Variants in GRIA1 observed in about 807,000 individuals in gnomAD.
GRIA1 encodes the protein glutamate receptor 1.
Under a neutral mutation model 99.2 loss-of-function variants are expected in GRIA1, and 31 were observed. The ratio of observed to expected loss-of-function variants is 0.31; its 90% confidence interval spans 0.23 to 0.42. The LOEUF is 0.42. Among genes scored for constraint, GRIA1 ranks in the 10% least tolerant of loss-of-function variants. The pLI is 1.00. For synonymous variants in GRIA1, 438 were observed against 432.4 expected (o/e 1.01, Z -0.16); for missense variants, 782 against 1,157.5 (o/e 0.68, Z 4.71).
At position 153,622,736 on chromosome 5, in the gene GRIA1, C is replaced by T. The variant is rs563066171; in HGVS notation, c.221-24192C>T. Among the ~76,000 whole-genome samples the T allele has an allele frequency of 6.7e-4, 102 of 152,288 alleles. 1 individual carries two copies. The highest frequency in any genetic ancestry group is 4.1e-4 in the South Asian group (2 of 4,822). On this transcript the variant is annotated intron_variant, in intron 2 of 15. Coordinates refer to ENST00000285900, the MANE Select transcript of GRIA1 (RefSeq NM_000827.4). ...GTGATTTGTATGTATTAATGGCTAACCTTTTTTCAGGTAGTTACTCCACCA... is the reference window on the plus strand; with the variant it reads ...GTGATTTGTATGTATTAATGGCTAATCTTTTTTCAGGTAGTTACTCCACCA...
intron 2 of GRIA1, among the ~76,000 whole-genome samples, chr5:153,621,835 T>G (rs763532573): frequency 1.3e-5 from 2 of 152,190 alleles, no homozygotes; most frequent in Non-Finnish European, 2.9e-5. Context: ...AATTGCAAGT[T>G]CCATCAGCAA....
intron 1 of GRIA1, chr5:153,491,175 A>ACACACG (rs1236438225): frequency 9.4e-7 from 1 of 1,062,866 alleles, no homozygotes; most frequent in Non-Finnish European, 1.3e-6. Flanking sequence ...GGAAGTGTTC[A>ACACACG]CACACGCACA....
intron 2 of GRIA1, among the ~76,000 whole-genome samples, chr5:153,602,533 T>TAATAA (rs569066151): frequency 0.053 from 7,423 of 141,286 alleles, 319 homozygotes; most frequent in African/African-American, 0.12. Context: ...AGTATAATAA[T>TAATAA]AATAAAATAA....
At chr5:153,793,961 C>G (rs1267053203) in intron 13 of GRIA1, among the ~76,000 whole-genome samples, 2 of 152,196 alleles carry the variant, frequency 1.3e-5, no homozygotes, top group Non-Finnish European at 2.9e-5. Flanking sequence ...ATGACTCAAC[C>G]ATGGCCTTCT....
intron 2 of GRIA1, among the ~76,000 whole-genome samples, chr5:153,596,786 T>C (rs1036718618): frequency 6.6e-6 from 1 of 152,244 alleles, no homozygotes; most frequent in African/African-American, 2.4e-5. Context: ...TGCCAGTTAT[T>C]CTCCTTCCTT....
At chr5:153,703,539 G>A (rs1324688742) in intron 10 of GRIA1, among the ~76,000 whole-genome samples, 1 of 152,170 alleles carries the variant, frequency 6.6e-6, no homozygotes, top group Non-Finnish European at 1.5e-5. Context: ...GAGGCCAGGA[G>A]TTTGAGACCA....
intron 5 of GRIA1, among the ~76,000 whole-genome samples, chr5:153,663,720 GA>G (rs949427634): frequency 6.6e-6 from 1 of 152,060 alleles, no homozygotes; most frequent in Non-Finnish European, 1.5e-5. Context: ...TTTTCAAAAG[GA>G]AAAAAATCAG....
At chr5:153,577,941 A>G (rs1228152736) in intron 2 of GRIA1, among the ~76,000 whole-genome samples, 1 of 152,102 alleles carries the variant, frequency 6.6e-6, no homozygotes, top group Non-Finnish European at 1.5e-5. Context: ...ACCTAAGGTC[A>G]GGAGTTCGAG....
At position 153,705,690 on chromosome 5, in the gene GRIA1, T is replaced by TTC; in HGVS notation, c.1453-6_1453-5insCT. ...TTTTTTTTTTTTTTTTTTTTTTTTT[T>TTC]TTTCAGAGAGCAGATGTGGCTGTGG... On this transcript the variant is annotated splice_polypyrimidine_tract_variant and splice_region_variant and intron_variant, in intron 10 of 15. Coordinates refer to ENST00000285900, the MANE Select transcript of GRIA1 (RefSeq NM_000827.4). 7.8e-7 allele frequency: 1 copy of TTC among 1,283,638 alleles called. No individual in the cohort carries two copies. The highest frequency in any genetic ancestry group is 1.6e-5 in the African/African-American group (1 of 62,474). The allele number at this position is 1,283,638 out of a possible 1,614,324, so 79.5% of individuals were successfully genotyped here.
chr5:153,794,760 A>T lies in GRIA1; in HGVS notation c.2385+25A>T, dbSNP rs778894218. The T allele has an allele frequency of 2.8e-6, 4 of 1,419,040 alleles. No homozygotes were observed. The Admixed American group carries it at 5.3e-5, about 19-fold the overall frequency. 87.9% of individuals were successfully genotyped at this position (1,419,040 alleles called of 1,614,324 possible). Reference sequence around the variant, plus strand: ...GGTCAGCCCCAGTAAGAAAAAAAAAAACCTAGTGGGTATGAAATAGCATGG... The same window carrying T: ...GGTCAGCCCCAGTAAGAAAAAAAAATACCTAGTGGGTATGAAATAGCATGG... On this transcript the variant is annotated intron_variant, in intron 14 of 15. Coordinates refer to ENST00000285900, the MANE Select transcript of GRIA1 (RefSeq NM_000827.4).
intron 2 of GRIA1, among the ~76,000 whole-genome samples, chr5:153,606,218 C>A (rs1765422575): frequency 6.6e-6 from 1 of 152,088 alleles, no homozygotes; most frequent in African/African-American, 2.4e-5. Flanking sequence ...ACTTCAGTGG[C>A]ATCTTGGTCA....
chr5:153,561,365 G>A (rs538661371), intron 2 of GRIA1, among the ~76,000 whole-genome samples: 11 of 152,254 alleles, frequency 7.2e-5, no homozygotes, highest in African/African-American at 2.2e-4. Flanking sequence ...TGGAGTGGGG[G>A]TTGAGAGGAG....
intron 5 of GRIA1, among the ~76,000 whole-genome samples, chr5:153,666,617 G>A (rs1379316704): frequency 6.6e-6 from 1 of 152,152 alleles, no homozygotes; most frequent in Non-Finnish European, 1.5e-5. Flanking sequence ...TCCCTCACTA[G>A]CTATACTGTA....
chr5:153,752,386 T>C (rs114306110), intron 11 of GRIA1, among the ~76,000 whole-genome samples: 102 of 152,306 alleles, frequency 6.7e-4, no homozygotes, highest in African/African-American at 2.3e-3. Context: ...AGCCCTTCTG[T>C]GTTCCTTCCA....
intron 7 of GRIA1, among the ~76,000 whole-genome samples, chr5:153,680,570 C>T (rs1017275463): frequency 6.6e-6 from 1 of 152,044 alleles, no homozygotes; most frequent in African/African-American, 2.4e-5. Context: ...TCCTAGAATC[C>T]ATCCCAGGGC....
intron 2 of GRIA1, among the ~76,000 whole-genome samples, chr5:153,575,126 G>T (rs1762417402): frequency 6.6e-6 from 1 of 151,854 alleles, no homozygotes; most frequent in South Asian, 2.1e-4. Flanking sequence ...ATTTGATCCT[G>T]CAATGGTCTC....
chr5:153,523,858 C>A (rs563940043), intron 2 of GRIA1, among the ~76,000 whole-genome samples: 1 of 152,256 alleles, frequency 6.6e-6, no homozygotes, highest in African/African-American at 2.4e-5. Flanking sequence ...TAGTAATCAC[C>A]AGCCACTCTT....
chr5:153,647,280 A>G (rs1226763195), intron 3 of GRIA1, 113 bp downstream of exon 3: 1 of 1,293,808 alleles, frequency 7.7e-7, no homozygotes, highest in Non-Finnish European at 1.1e-6. Flanking sequence ...ATTATCCAAA[A>G]TGCTTTATTT....
intron 2 of GRIA1, among the ~76,000 whole-genome samples, chr5:153,494,981 T>A (rs1032549624): frequency 6.6e-6 from 1 of 152,182 alleles, no homozygotes; most frequent in Non-Finnish European, 1.5e-5. Context: ...TGCTGAGCTG[T>A]CTCTGGTGGA....
Sources: gnomAD v4.1 joint callset for allele counts (sites outside exome capture counted in the v4.1 genomes callset) on GRCh38, gnomAD v4.1.1 for gene constraint, MANE v1.5 for transcripts, NCBI Gene and HGNC (gene_info 2026-07-23, HGNC 2026-07-21) for gene names.